The following ZFHX4 variants were observed in gnomAD, a reference collection of about 807,000 sequenced individuals.
ZFHX4 encodes the protein zinc finger homeobox protein 4.
Under a neutral mutation model 267.6 loss-of-function variants are expected in ZFHX4, and 56 were observed. That is an observed-to-expected ratio of 0.21 (90% CI 0.17 to 0.26). ZFHX4 has a LOEUF of 0.26. Among genes scored for constraint, ZFHX4 ranks in the 10% least tolerant of loss-of-function variants. The pLI is 1.00. For missense variants in ZFHX4, 4,332 were observed against 4,420.0 expected, an observed-to-expected ratio of 0.98 and a Z score of 0.56; for synonymous variants, 1,778 against 1,665.6, an observed-to-expected ratio of 1.07 and a Z score of -1.64.
chr8:76,759,824 T>C (rs1783002570), intron 3 of ZFHX4, among the ~76,000 whole-genome samples: 1 of 152,156 alleles, frequency 6.6e-6, no homozygotes, highest in Non-Finnish European at 1.5e-5. Flanking sequence ...ATATCCTTGG[T>C]GGAATGAAGT....
chr8:76,696,507 A>C (rs1807960488), intron 1 of ZFHX4, among the ~76,000 whole-genome samples: 1 of 151,994 alleles, frequency 6.6e-6, no homozygotes, highest in Non-Finnish European at 1.5e-5. Context: ...TAAACCAAGG[A>C]GCTTATAATT....
At chr8:76,732,911 T>C (rs1485570471) in intron 3 of ZFHX4, among the ~76,000 whole-genome samples, 2 of 152,144 alleles carry the variant, frequency 1.3e-5, no homozygotes, top group Non-Finnish European at 2.9e-5. Context: ...GACCCTGGCA[T>C]GCAAGCTGCT....
Position 76,863,497 on chromosome 8 carries a change from G to T in ZFHX4, c.9783G>T (p.Gln3261His). Residue 3261 changes from glutamine to histidine, a missense_variant, in exon 11 of 11, where the codon CAG becomes CAT. This residue lies in a region of ZFHX4 where 1,648 missense variants were observed against 1,625.0 expected (regional missense o/e 1.01). Coordinates refer to ENST00000651372, the MANE Select transcript of ZFHX4 (RefSeq NM_024721.5). ...AGDPASFIGGQFLPYFIPGFA... is the reference protein window; with the variant it reads ...AGDPASFIGGHFLPYFIPGFA... ...ACCCAGCTTCCTTTATAGGCGGACA[G>T]TTCTTGCCATACTTTATCCCTGGGT... 1 of 1,613,708 alleles carries T rather than the reference G, an allele frequency of 6.2e-7. No homozygotes were observed. The highest frequency in any genetic ancestry group is 8.5e-7 in the Non-Finnish European group (1 of 1,179,780).
intron 4 of ZFHX4, 69 bp downstream of exon 4, chr8:76,778,508 C>G: frequency 4.3e-6 from 5 of 1,165,876 alleles, no homozygotes; most frequent in South Asian, 1.3e-5. Flanking sequence ...CACACACACA[C>G]AAACACACAC....
intron 3 of ZFHX4, among the ~76,000 whole-genome samples, chr8:76,749,118 T>A (rs533933657): frequency 6.6e-6 from 1 of 152,194 alleles, no homozygotes; most frequent in Non-Finnish European, 1.5e-5. Flanking sequence ...AAGCTTTCTT[T>A]AAAGTTGATA....
At chr8:76,716,289 T>C (rs908982317) in intron 3 of ZFHX4, among the ~76,000 whole-genome samples, 7 of 152,292 alleles carry the variant, frequency 4.6e-5, no homozygotes, top group African/African-American at 1.4e-4. Flanking sequence ...TGAACCCATA[T>C]TGACAATTGA....
chr8:76,712,866 T>A (rs1382223915), intron 3 of ZFHX4, among the ~76,000 whole-genome samples: 1 of 152,144 alleles, frequency 6.6e-6, no homozygotes, highest in African/African-American at 2.4e-5. Flanking sequence ...AAAAAACTAA[T>A]CACAGTTCAA....
At position 76,850,334 on chromosome 8, in the gene ZFHX4, G is replaced by A. The variant is rs762380598; in HGVS notation, c.3936G>A (p.Val1312=). The part of the protein sequence containing the change: ...EKSERDTPAA[V]TAEGSGKYSG... ...CAGAGCGGGACACACCTGCAGCCGT[G>A]ACAGCTGAGGGGTCTGGGAAATATT... Residue 1312 remains valine (V), a synonymous_variant, in exon 9 of 11, where the codon GTG becomes GTA. Transcript: ENST00000651372. 6.2e-6 allele frequency: 10 copies of A among 1,612,512 alleles called. No homozygotes were observed. In the African/African-American group the frequency reaches 1.2e-4, roughly 19 times the overall value.
In ZFHX4 at chr8:76,801,001, T is replaced by C. The variant is rs1811104083; in HGVS notation, c.3325+22562T>C. On this transcript the variant is annotated intron_variant, in intron 4 of 10. Coordinates refer to ENST00000651372, the MANE Select transcript of ZFHX4 (RefSeq NM_024721.5). ...GATGGCCAACCAGCAATTGTCATTT[T>C]AGAAAACATTCTTTTATCTTTTTAA... Among the ~76,000 whole-genome samples, 4 of 152,310 alleles carry C rather than the reference T, an allele frequency of 2.6e-5. No individual in the cohort carries two copies. In the South Asian group the frequency reaches 8.3e-4, roughly 32 times the overall value.
In ZFHX4 at chr8:76,853,265, A is replaced by G. The variant is rs772836497; in HGVS notation, c.6344A>G (p.Gln2115Arg). ...GCAGACCTCACCCAACTTTGCCAGC[A>G]GCAGCTCGGATTAGATCCCAACTTC... ...LSADLTQLCQ[Q>R]QLGLDPNFLR... Residue 2115 changes from glutamine to arginine, a missense_variant, in exon 10 of 11, where the codon CAG becomes CGG. Coordinates refer to ENST00000651372, the MANE Select transcript of ZFHX4 (RefSeq NM_024721.5). 18 of 1,596,146 alleles carry G rather than the reference A, an allele frequency of 1.1e-5. No homozygotes were observed. Among genetic ancestry groups the G allele is most frequent in the Non-Finnish European group, 1.5e-5 (17 of 1,170,746 alleles).
chr8:76,862,542 C>T (rs555714329), intron 10 of ZFHX4, among the ~76,000 whole-genome samples: 1 of 152,304 alleles, frequency 6.6e-6, no homozygotes, highest in South Asian at 2.1e-4. Context: ...TTTACTATTG[C>T]TATTTAATTA....
chr8:76,780,057 T>TA (rs60592064), intron 4 of ZFHX4, among the ~76,000 whole-genome samples: 36,468 of 147,488 alleles, frequency 0.25, 6,717 homozygotes, highest in African/African-American at 0.51. Flanking sequence ...AAAGTAAAAT[T>TA]AAAAAAAAAA....
At chr8:76,788,287 C>G (rs1810745876) in intron 4 of ZFHX4, among the ~76,000 whole-genome samples, 1 of 152,126 alleles carries the variant, frequency 6.6e-6, no homozygotes, top group African/African-American at 2.4e-5. Flanking sequence ...GCTTAACAAT[C>G]CTCAGTTATC....
At chr8:76,784,828 C>A (rs898947892) in intron 4 of ZFHX4, among the ~76,000 whole-genome samples, 5 of 152,164 alleles carry the variant, frequency 3.3e-5, no homozygotes, top group African/African-American at 1.2e-4. Context: ...GCTTTAGCTG[C>A]TACTTTTTTC....
At chr8:76,847,661 T>C (rs1161050757) in intron 6 of ZFHX4, among the ~76,000 whole-genome samples, 1 of 152,174 alleles carries the variant, frequency 6.6e-6, no homozygotes, top group Admixed American at 6.6e-5. Flanking sequence ...TCATATTTCT[T>C]TCTGAATTTG....
In ZFHX4 at chr8:76,851,969, C is replaced by T. The variant is rs773314638; in HGVS notation, c.5048C>T (p.Pro1683Leu). 149 of 1,613,856 alleles carry T rather than the reference C, an allele frequency of 9.2e-5. No homozygotes were observed. The highest frequency in any genetic ancestry group is 1.2e-4 in the Non-Finnish European group (144 of 1,179,884). Residue 1683 changes from proline (P) to leucine (L), a missense_variant, in exon 10 of 11, where the codon CCT (proline) becomes CTT (leucine). Pro to Leu is a moderately conservative substitution (Grantham distance 98). Transcript: ENST00000651372. ...ACTCCTGATTTAATCTCTGCTCAAC[C>T]TGCACATCACCCACCACAGTCACCA... The part of the protein sequence containing the change: ...KQTPDLISAQ[P>L]AHHPPQSPAQ...
chr8:76,805,519 C>T (rs901868410), intron 4 of ZFHX4, among the ~76,000 whole-genome samples: 2 of 151,386 alleles, frequency 1.3e-5, no homozygotes, highest in Non-Finnish European at 2.9e-5. Context: ...TTTTTCTCTA[C>T]AGAACAAGAA....
chr8:76,843,150 T>C (rs10101151), intron 6 of ZFHX4, among the ~76,000 whole-genome samples: 1 of 152,204 alleles, frequency 6.6e-6, no homozygotes, highest in Non-Finnish European at 1.5e-5. Flanking sequence ...AAGCATAGGA[T>C]TAGATATCAC....
intron 3 of ZFHX4, among the ~76,000 whole-genome samples, chr8:76,771,767 T>C (rs1311560974): frequency 6.6e-6 from 1 of 152,146 alleles, no homozygotes; most frequent in Non-Finnish European, 1.5e-5. Flanking sequence ...TTGATTAGAA[T>C]GAATGAGAGC....
Sources: gnomAD v4.1 joint callset for allele counts (sites outside exome capture counted in the v4.1 genomes callset) on GRCh38, gnomAD v4.1.1 for gene constraint, gnomAD v4.1.1 regional missense constraint, MANE v1.5 for transcripts, NCBI Gene and HGNC (gene_info 2026-07-23, HGNC 2026-07-21) for gene names.